ATP2A1: variants seen among roughly 807,000 people sequenced by gnomAD.
ATP2A1 encodes the protein ATPase sarcoplasmic/endoplasmic reticulum Ca2+ transporting 1, also known as sarcoplasmic/endoplasmic reticulum calcium ATPase 1.
Under a neutral mutation model 109.5 loss-of-function variants are expected in ATP2A1, and 83 were observed. That is an observed-to-expected ratio of 0.76 (90% CI 0.63 to 0.91). The LOEUF is 0.91. Ranked by LOEUF, ATP2A1 falls within the 40% of genes least tolerant of loss-of-function variation. ATP2A1 has a pLI of 0.00. For synonymous variants in ATP2A1, 505 were observed against 537.6 expected (o/e 0.94, Z 0.84); for missense variants, 1,101 against 1,341.0 (o/e 0.82, Z 2.80).
chr16:28,891,944 G>A (rs1037754973), intron 9 of ATP2A1, among the ~76,000 whole-genome samples: 1 of 151,566 alleles, frequency 6.6e-6, no homozygotes. Flanking sequence ...AGATACATAG[G>A]GTTACAGAGG....
chr16:28,878,635 G>A lies in ATP2A1; in HGVS notation c.-37G>A. ...CCCCACGAGTGGGAACCCCCTGGAA[G>A]GAACACACCGGCCCCGGCCCCCAGG... On this transcript the variant is annotated 5_prime_UTR_variant, in exon 1 of 23. Transcript: ENST00000395503. The A allele has an allele frequency of 6.5e-7, 1 of 1,549,184 alleles. No homozygotes were observed.
At position 28,883,002 on chromosome 16, in the gene ATP2A1, G is replaced by A. The variant is rs1963528359; in HGVS notation, c.463+413G>A. Among the ~76,000 whole-genome samples, 1 of 152,234 alleles carries A rather than the reference G, an allele frequency of 6.6e-6. No individual in the cohort carries two copies. Among genetic ancestry groups the A allele is most frequent in the Non-Finnish European group, 1.5e-5 (1 of 68,040 alleles). ...CTTGAGGCCTCTCAAAGGGGAAGGAGCGAGGGCAGAAGGGAGGAGGGAGGC... is the reference window on the plus strand; with the variant it reads ...CTTGAGGCCTCTCAAAGGGGAAGGAACGAGGGCAGAAGGGAGGAGGGAGGC... On this transcript the variant is annotated intron_variant, in intron 5 of 22. Transcript: ENST00000395503. This position sits in a 1 kb window ranked among gnomAD's most constrained non-coding sequence, Gnocchi z 5.2.
In ATP2A1 at chr16:28,887,645, A is replaced by G. The variant is rs1347578655; in HGVS notation, c.851A>G (p.His284Arg). The G allele has an allele frequency of 6.8e-6, 11 of 1,614,164 alleles. No individual in the cohort carries two copies. The highest frequency in any genetic ancestry group is 9.3e-6 in the Non-Finnish European group (11 of 1,180,032). The change falls in exon 8 of 23, where the codon CAT becomes CGT. Residue 284 changes from histidine to arginine, a missense_variant. By Grantham distance (29) the His-to-Arg change is conservative. Coordinates refer to ENST00000395503, the MANE Select transcript of ATP2A1 (RefSeq NM_004320.6). Reference sequence around the variant, plus strand: ...ATTGGCCACTTCAACGACCCCGTCCATGGGGGCTCCTGGTTCCGCGGGGCC... The same window carrying G: ...ATTGGCCACTTCAACGACCCCGTCCGTGGGGGCTCCTGGTTCCGCGGGGCC... ...INIGHFNDPV[H>R]GGSWFRGAIY...
At chr16:28,891,544 C>T (rs1406114976) in intron 9 of ATP2A1, among the ~76,000 whole-genome samples, 3 of 129,608 alleles carry the variant, frequency 2.3e-5, no homozygotes, top group East Asian at 2.4e-4. Context: ...GAGCTGAGAT[C>T]GTGCCATTGC....
intron 7 of ATP2A1, 63 bp from the exon 8 acceptor site, chr16:28,887,362 T>G: frequency 6.2e-7 from 1 of 1,612,502 alleles, no homozygotes; most frequent in Non-Finnish European, 8.5e-7. Flanking sequence ...AGAGATGGCG[T>G]GGGGAGATGC....
At chr16:28,889,003 G>C (rs748231477) in intron 9 of ATP2A1, 50 bp downstream of exon 9, 1 of 1,607,008 alleles carries the variant, frequency 6.2e-7, no homozygotes. Context: ...GCCTGTGGGG[G>C]TTAAATGGGC....
chr16:28,887,482 A>G lies in ATP2A1; in HGVS notation c.688A>G (p.Thr230Ala), dbSNP rs1963646188. The change falls in exon 8 of 23, where the codon ACC becomes GCC. Residue 230 changes from threonine (T) to alanine (A), a missense_variant. Thr to Ala is a moderately conservative substitution (Grantham distance 58). Transcript: ENST00000395503. ...CATCGTGGCCACCACTGGTGTGGGC[A>G]CCGAGATTGGGAAGATCCGAGACCA... ...LGIVATTGVG[T>A]EIGKIRDQMA... is the part of the protein sequence containing the mutation. 6.2e-7 allele frequency: 1 copy of G among 1,614,010 alleles called. No individual in the cohort carries two copies. The highest frequency in any genetic ancestry group is 2.2e-5 in the East Asian group (1 of 44,858).
Position 28,888,842 on chromosome 16 carries a change from G to C in ATP2A1, c.984G>C (p.Lys328Asn), listed in dbSNP as rs1363986562. The C allele has an allele frequency of 1.2e-6, 2 of 1,607,922 alleles. No individual in the cohort carries two copies. Among genetic ancestry groups the C allele is most frequent in the Non-Finnish European group, 1.7e-6 (2 of 1,176,230 alleles). The change falls in exon 9 of 23, where the codon AAG (lysine) becomes AAC (asparagine). Residue 328 changes from lysine to asparagine, a missense_variant. Lys to Asn is a moderately conservative substitution (Grantham distance 94, BLOSUM62 0). Transcript: ENST00000395503. ...CCCTGGGTACCCGTCGGATGGCAAA[G>C]AAGAATGCCATTGTAAGAAGCTTGC... ...CLALGTRRMA[K>N]KNAIVRSLPS...
At chr16:28,892,659 G>A (rs1311417554) in intron 9 of ATP2A1, 1 of 153,982 alleles carries the variant, frequency 6.5e-6, no homozygotes, top group Admixed American at 6.5e-5. Context: ...CAGGATTCAG[G>A]GTAGGCCACT....
intron 9 of ATP2A1, among the ~76,000 whole-genome samples, chr16:28,892,122 G>A (rs1963788709): frequency 6.6e-6 from 1 of 152,150 alleles, no homozygotes. Context: ...GCTATTTTGA[G>A]AGATCTGCAA....
intron 5 of ATP2A1, 73 bp from the exon 6 acceptor site, chr16:28,884,502 A>G: frequency 1.4e-6 from 2 of 1,400,484 alleles, no homozygotes; most frequent in African/African-American, 1.4e-5. Context: ...AGTCAGACAC[A>G]GATTGGGTTT....
Position 28,883,615 on chromosome 16 carries a change from C to T in ATP2A1, c.464-960C>T, listed in dbSNP as rs1213245907. ...AGCGGCCCTGGGAGATTCTTAGCCT[C>T]CTCCTAAGGTCTCTGAGTCTGGCTG... On this transcript the variant is annotated intron_variant, in intron 5 of 22. Coordinates refer to ENST00000395503, the MANE Select transcript of ATP2A1 (RefSeq NM_004320.6). This position sits in a 1 kb window ranked among gnomAD's most constrained non-coding sequence, Gnocchi z 5.2. Among the ~76,000 whole-genome samples, 2 of 152,160 alleles carry T rather than the reference C, an allele frequency of 1.3e-5. No individual in the cohort carries two copies. The highest frequency in any genetic ancestry group is 6.5e-5 in the Admixed American group (1 of 15,278).
chr16:28,887,373 G>A (rs375127758), intron 7 of ATP2A1, 52 bp from the exon 8 acceptor site: 26 of 1,612,924 alleles, frequency 1.6e-5, no homozygotes, highest in East Asian at 1.3e-4. Flanking sequence ...GGGGAGATGC[G>A]GCATGAGGGT....
At chr16:28,894,667 G>A (rs1421406270) in intron 11 of ATP2A1, 60 bp downstream of exon 11, 17 of 1,601,562 alleles carry the variant, frequency 1.1e-5, no homozygotes, top group South Asian at 5.5e-5. Context: ...AAGGCCAGGA[G>A]GAAAGGGTTG....
At position 28,880,274 on chromosome 16, in the gene ATP2A1, G is replaced by T. The variant is rs1259946388; in HGVS notation, c.220-641G>T. Among the ~76,000 whole-genome samples the T allele has an allele frequency of 6.6e-6, 1 of 152,228 alleles. No individual in the cohort carries two copies. Among genetic ancestry groups the T allele is most frequent in the East Asian group, 1.9e-4 (1 of 5,192 alleles). On this transcript the variant is annotated intron_variant, in intron 3 of 22. Coordinates refer to ENST00000395503, the MANE Select transcript of ATP2A1 (RefSeq NM_004320.6). The surrounding 1 kb of genome is among the most constrained non-coding windows in gnomAD (Gnocchi z 4.2). ...TGTCGCGGGTTCTTCCGCAGCATGT[G>T]AGCCTCGCTGGGGACTCTGGAGGCA...
intron 9 of ATP2A1, among the ~76,000 whole-genome samples, chr16:28,890,233 T>C (rs531709524): frequency 1.4e-5 from 2 of 144,438 alleles, no homozygotes; most frequent in East Asian, 4.1e-4. Flanking sequence ...GGTGGAAGGA[T>C]CACTTGAGCC....
At chr16:28,882,783 C>A (rs1963523112) in intron 5 of ATP2A1, among the ~76,000 whole-genome samples, 194 bp downstream of exon 5, 1 of 152,224 alleles carries the variant, frequency 6.6e-6, no homozygotes, top group Non-Finnish European at 1.5e-5. Context: ...TCAGCAGGAA[C>A]AGCCAGTCCT....
At position 28,902,585 on chromosome 16, in the gene ATP2A1, G is replaced by A. The variant is rs1231751549; in HGVS notation, c.2530G>A (p.Val844Met). 10 of 1,614,064 alleles carry A rather than the reference G, an allele frequency of 6.2e-6. No individual in the cohort carries two copies. In the South Asian group the frequency reaches 8.8e-5, roughly 14 times the overall value. ...FFRYMAIGGY[V>M]GAATVGAAAW... ...CTCCCCTCTCTCCACCACAGGCTAT[G>A]TGGGTGCAGCCACCGTGGGAGCAGC... The change falls in exon 18 of 23, where the codon GTG becomes ATG. Residue 844 changes from valine to methionine, a missense_variant. Transcript: ENST00000395503. This position sits in a 1 kb window ranked among gnomAD's most constrained non-coding sequence, Gnocchi z 4.8.
At chr16:28,890,687 GTTTT>G (rs199685597) in intron 9 of ATP2A1, among the ~76,000 whole-genome samples, 1 of 149,748 alleles carries the variant, frequency 6.7e-6, no homozygotes, top group African/African-American at 2.5e-5. Flanking sequence ...TTTTTTGTTT[GTTTT>G]TTTTTGTTTT....
Sources: allele counts gnomAD v4.1 joint callset (sites outside exome capture counted in the v4.1 genomes callset), GRCh38; gene constraint gnomAD v4.1.1; non-coding constraint Gnocchi (gnomAD v3.1); transcripts MANE v1.5; gene names NCBI Gene and HGNC (gene_info 2026-07-23, HGNC 2026-07-21).